The following PRR16 variants were observed in gnomAD, a reference collection of about 807,000 sequenced individuals.
PRR16 encodes proline rich 16, also known as protein Largen.
PRR16 carries 6 observed loss-of-function variants against 18.2 expected under a neutral mutation model. The observed-to-expected ratio is 0.33, with a 90% CI of 0.18 to 0.65. PRR16 has a LOEUF of 0.65. PRR16 is among the 30% of genes least tolerant of loss of function. The probability of loss-of-function intolerance (pLI) is 0.74; values close to 1 mark genes in which losing one functional copy is unlikely to be tolerated. For missense variants in PRR16, 412 were observed against 376.6 expected (o/e 1.09, Z -0.78); for synonymous variants, 151 against 147.8 (o/e 1.02, Z -0.16).
At chr5:120,543,978 T>C (rs1751996745) in intron 1 of PRR16, among the ~76,000 whole-genome samples, 1 of 152,182 alleles carries the variant, frequency 6.6e-6, no homozygotes, top group African/African-American at 2.4e-5. Context: ...TTTTTAATCA[T>C]GAAGAGTTGT....
the PRR16 span, among the ~76,000 whole-genome samples, chr5:120,739,622 C>T: frequency 1.3e-5 from 2 of 152,072 alleles, no homozygotes; most frequent in South Asian, 2.1e-4. Flanking sequence ...GTACATAGGA[C>T]GTCAACAACC....
intron 1 of PRR16, among the ~76,000 whole-genome samples, chr5:120,516,336 A>C (rs1750990445): frequency 6.6e-6 from 1 of 151,668 alleles, no homozygotes; most frequent in African/African-American, 2.4e-5. Context: ...GCGGCACAAG[A>C]ATCACTTGAA....
the PRR16 span, among the ~76,000 whole-genome samples, chr5:120,751,993 A>G: frequency 1.3e-4 from 20 of 152,258 alleles, no homozygotes; most frequent in Non-Finnish European, 2.4e-4. Flanking sequence ...TTCATTGTCA[A>G]GAGGAACTGA....
At chr5:120,498,184 A>G (rs1292522843) in intron 1 of PRR16, among the ~76,000 whole-genome samples, 1 of 150,848 alleles carries the variant, frequency 6.6e-6, no homozygotes, top group Non-Finnish European at 1.5e-5. Context: ...TTAGAGATCT[A>G]TTTTGACATC....
chr5:120,741,516 G>A, the PRR16 span, among the ~76,000 whole-genome samples: 1 of 152,148 alleles, frequency 6.6e-6, no homozygotes, highest in South Asian at 2.1e-4. Context: ...TAGCCGTGAT[G>A]ATAGTAAACA....
chr5:120,556,933 AC>A (rs1307156179), intron 1 of PRR16, among the ~76,000 whole-genome samples: 2 of 150,680 alleles, frequency 1.3e-5, no homozygotes, highest in African/African-American at 4.9e-5. Flanking sequence ...TAACCAGTAG[AC>A]CCAACTGCTA....
chr5:120,623,689 A>G (rs7703789), intron 1 of PRR16, among the ~76,000 whole-genome samples: 119,869 of 151,978 alleles, frequency 0.79, 49,148 homozygotes, highest in East Asian at 0.94. Flanking sequence ...ATATTAGAAC[A>G]AAAAGTAATT....
intron 1 of PRR16, among the ~76,000 whole-genome samples, chr5:120,512,301 G>A (rs1333756087): frequency 6.6e-6 from 1 of 152,048 alleles, no homozygotes; most frequent in Non-Finnish European, 1.5e-5. Context: ...AGGTTGTGAG[G>A]GCTCCAGGCG....
chr5:120,698,661 G>A, the PRR16 span, among the ~76,000 whole-genome samples: 11 of 152,126 alleles, frequency 7.2e-5, no homozygotes, highest in South Asian at 2.1e-4. Flanking sequence ...AAAAAGGAGC[G>A]TCTATACAGG....
intron 1 of PRR16, among the ~76,000 whole-genome samples, chr5:120,532,767 A>G (rs1751591606): frequency 6.6e-6 from 1 of 152,280 alleles, no homozygotes; most frequent in African/African-American, 2.4e-5. Flanking sequence ...TTTTAATTGT[A>G]TAAGAATTTT....
chr5:120,571,349 A>C (rs1034724212), intron 1 of PRR16, among the ~76,000 whole-genome samples: 10 of 152,188 alleles, frequency 6.6e-5, no homozygotes, highest in Non-Finnish European at 1.5e-4. Context: ...TTGTGAATGC[A>C]GTGGGAGTGT....
At chr5:120,487,331 G>T (rs1221398002) in intron 1 of PRR16, among the ~76,000 whole-genome samples, 2 of 152,078 alleles carry the variant, frequency 1.3e-5, no homozygotes, top group Non-Finnish European at 2.9e-5. Flanking sequence ...ATTGAGCAGT[G>T]GTTTGTAGTT....
chr5:120,790,173 T>C, the PRR16 span: 4 of 152,020 alleles, frequency 2.6e-5, no homozygotes, highest in African/African-American at 9.7e-5. Context: ...GAGCAGAGCC[T>C]TGGGGGTAAA....
At chr5:120,561,230 T>A (rs936717567) in intron 1 of PRR16, among the ~76,000 whole-genome samples, 4 of 152,118 alleles carry the variant, frequency 2.6e-5, no homozygotes, top group Non-Finnish European at 4.4e-5. Flanking sequence ...AAGTTTTTCT[T>A]CTTTTTTGAT....
the PRR16 span, among the ~76,000 whole-genome samples, chr5:120,787,963 ACT>A: frequency 3.4e-3 from 522 of 151,332 alleles, 3 homozygotes; most frequent in African/African-American, 0.012. Context: ...TAAAGGTCTT[ACT>A]CTCTCTCTTG....
chr5:120,688,371 CA>C, downstream of PRR16, among the ~76,000 whole-genome samples: 1 of 152,092 alleles, frequency 6.6e-6, no homozygotes, highest in South Asian at 2.1e-4. Context: ...ATCCGACTTA[CA>C]ATAATCAGAA....
chr5:120,792,109 A>G, the PRR16 span, among the ~76,000 whole-genome samples: 1 of 152,270 alleles, frequency 6.6e-6, no homozygotes, highest in South Asian at 2.1e-4. Context: ...CAACTTTCCC[A>G]AAAATATTTG....
chr5:120,772,766 T>C, the PRR16 span, among the ~76,000 whole-genome samples: 63,091 of 151,916 alleles, frequency 0.42, 13,360 homozygotes, highest in African/African-American at 0.49. Flanking sequence ...TTACAGTCTT[T>C]GATGCTCACA....
At chr5:120,701,471 A>C in the PRR16 span, among the ~76,000 whole-genome samples, 8 of 152,266 alleles carry the variant, frequency 5.3e-5, no homozygotes, top group East Asian at 3.9e-4. Flanking sequence ...TTGACTATGC[A>C]TTTAGCTCCA....
Sources: allele counts gnomAD v4.1 joint callset (sites outside exome capture counted in the v4.1 genomes callset), GRCh38; gene constraint gnomAD v4.1.1; transcripts MANE v1.5; gene names NCBI Gene and HGNC (gene_info 2026-07-23, HGNC 2026-07-21).